Variants in ADAM9 observed in about 807,000 individuals in gnomAD.
ADAM9 encodes the protein ADAM metallopeptidase domain 9, also known as disintegrin and metalloproteinase domain-containing protein 9.
In ADAM9, 54 loss-of-function variants were observed where a neutral mutation model predicts 108.1. The observed-to-expected ratio is 0.50, with a 90% confidence interval of 0.40 to 0.63. The LOEUF (loss-of-function observed/expected upper bound fraction) is 0.63, where lower values mean the gene tolerates loss of function less well. ADAM9 is among the 20% of genes least tolerant of loss of function. ADAM9 has a pLI of 0.00. For synonymous variants in ADAM9, 316 were observed against 336.0 expected (o/e 0.94, Z 0.65); for missense variants, 830 against 997.7 (o/e 0.83, Z 2.26).
chr8:39,029,129 TTG>T (rs1315038837), intron 11 of ADAM9, among the ~76,000 whole-genome samples: 19 of 66,982 alleles, frequency 2.8e-4, no homozygotes, highest in Middle Eastern at 7.4e-3. Context: ...AGTGTTGTTG[TTG>T]TTTTTTTTTT....
At chr8:39,089,374 T>C (rs1839279500) in intron 18 of ADAM9, among the ~76,000 whole-genome samples, 1 of 152,236 alleles carries the variant, frequency 6.6e-6, no homozygotes, top group African/African-American at 2.4e-5. Context: ...TGGGTGAGGC[T>C]ATGGGGAATT....
At chr8:39,100,867 G>T (rs1839673040) in intron 20 of ADAM9, among the ~76,000 whole-genome samples, 1 of 152,176 alleles carries the variant, frequency 6.6e-6, no homozygotes, top group Non-Finnish European at 1.5e-5. Flanking sequence ...ACGTCTTATA[G>T]TGTAATGTGA....
At chr8:39,002,586 G>A (rs1474499626) in intron 1 of ADAM9, among the ~76,000 whole-genome samples, 3 of 151,886 alleles carry the variant, frequency 2.0e-5, no homozygotes, top group Non-Finnish European at 4.4e-5. Flanking sequence ...CTCCCAAATT[G>A]CTGGGACTAT....
intron 20 of ADAM9, 141 bp downstream of exon 20, chr8:39,091,487 G>C: frequency 1.2e-6 from 1 of 804,992 alleles, no homozygotes; most frequent in Non-Finnish European, 1.9e-6. Flanking sequence ...TGGTCCCTGA[G>C]TTTTTTGTTT....
intron 20 of ADAM9, among the ~76,000 whole-genome samples, chr8:39,096,790 C>G (rs1351980425): frequency 6.6e-6 from 1 of 152,100 alleles, no homozygotes; most frequent in Admixed American, 6.6e-5. Context: ...GTGAATCTTT[C>G]AATTTAGCAT....
Position 39,077,267 on chromosome 8 carries a change from A to G in ADAM9, c.1737A>G (p.Gln579=), listed in dbSNP as rs763026641. The part of the protein sequence containing the change: ...LCGKLQCENV[Q]EIPVFGIVPA... The stretch of plus-strand genomic sequence containing the variant: ...GAAAGCTTCAGTGTGAGAATGTACA[A>G]GAGATACCTGTATTTGGAATTGTGC... Residue 579 remains glutamine, a synonymous_variant, in exon 16 of 22, where the codon CAA becomes CAG. Coordinates refer to ENST00000487273, the MANE Select transcript of ADAM9 (RefSeq NM_003816.3). 6 of 1,613,992 alleles carry G rather than the reference A, an allele frequency of 3.7e-6. No individual in the cohort carries two copies. The South Asian group carries it at 4.4e-5, about 12-fold the overall frequency.
intron 15 of ADAM9, among the ~76,000 whole-genome samples, chr8:39,072,487 A>G (rs1838725866): frequency 6.7e-6 from 1 of 149,420 alleles, no homozygotes; most frequent in Non-Finnish European, 1.5e-5. Flanking sequence ...TCTTGAAGAA[A>G]CCTCTTTTTT....
intron 14 of ADAM9, among the ~76,000 whole-genome samples, chr8:39,064,113 G>C (rs1050343660): frequency 6.6e-6 from 1 of 152,128 alleles, no homozygotes; most frequent in Non-Finnish European, 1.5e-5. Context: ...ATGTTTGAAG[G>C]CATCATATAC....
At chr8:39,088,141 A>G (rs1041662090) in intron 18 of ADAM9, among the ~76,000 whole-genome samples, 1 of 152,322 alleles carries the variant, frequency 6.6e-6, no homozygotes, top group African/African-American at 2.4e-5. Flanking sequence ...GGTTGGTCTC[A>G]GGGGTGGCAG....
At chr8:39,002,367 G>T (rs1836024698) in intron 1 of ADAM9, among the ~76,000 whole-genome samples, 1 of 126,558 alleles carries the variant, frequency 7.9e-6, no homozygotes, top group African/African-American at 3.0e-5. Flanking sequence ...TGCCCAGACT[G>T]GGGTGCAGTG....
At chr8:39,029,759 G>A (rs1174358363) in intron 11 of ADAM9, among the ~76,000 whole-genome samples, 2 of 152,170 alleles carry the variant, frequency 1.3e-5, no homozygotes, top group Non-Finnish European at 2.9e-5. Context: ...TGTTTCTGGT[G>A]TGTTGTTGAG....
chr8:39,026,837 T>C (rs143038238), intron 11 of ADAM9, 27 bp downstream of exon 11: 1 of 1,613,414 alleles, frequency 6.2e-7, no homozygotes, highest in African/African-American at 1.3e-5. Context: ...TTCTTCTCCT[T>C]TATTTGGTAT....
chr8:39,023,233 TG>T lies in ADAM9; in HGVS notation c.827del (p.Gly276ValfsTer28). The part of the protein sequence containing the change: ...WTNGNLINIV[G>X]GAGDVLGNFV... The stretch of plus-strand genomic sequence containing the variant: ...CCAATGGAAACCTGATCAACATAGT[TG>T]GGGGTGCTGGTGATGTGCTGGGGAA... On this transcript the variant is annotated frameshift_variant, in exon 9 of 22. Transcript: ENST00000487273. LOFTEE classifies it high-confidence loss of function. 13 of 1,613,782 alleles carry T rather than the reference TG, an allele frequency of 8.1e-6. No individual in the cohort carries two copies. Among genetic ancestry groups the T allele is most frequent in the Non-Finnish European group, 1.1e-5 (13 of 1,179,864 alleles).
At chr8:39,018,312 T>G (rs1836613272) in intron 6 of ADAM9, among the ~76,000 whole-genome samples, 1 of 152,236 alleles carries the variant, frequency 6.6e-6, no homozygotes, top group African/African-American at 2.4e-5. Flanking sequence ...TGGAAAACAT[T>G]AAAATTTTTG....
At chr8:39,013,305 T>C (rs1180044362) in intron 3 of ADAM9, among the ~76,000 whole-genome samples, 3 of 152,216 alleles carry the variant, frequency 2.0e-5, no homozygotes, top group Non-Finnish European at 4.4e-5. Flanking sequence ...AAATATGATA[T>C]ACTGTCAATA....
chr8:39,015,890 A>G (rs1014816490), intron 4 of ADAM9: 2 of 522,502 alleles, frequency 3.8e-6, no homozygotes, highest in Admixed American at 3.2e-5. Context: ...TGTACCTTGT[A>G]TCCCCTGGAA....
chr8:39,070,550 G>A (rs1247432748), intron 14 of ADAM9, among the ~76,000 whole-genome samples: 1 of 151,872 alleles, frequency 6.6e-6, no homozygotes, highest in Non-Finnish European at 1.5e-5. Flanking sequence ...TTAAAAATAT[G>A]CATTTTGCAA....
intron 14 of ADAM9, among the ~76,000 whole-genome samples, chr8:39,068,083 T>C (rs1838546735): frequency 6.6e-6 from 1 of 152,188 alleles, no homozygotes; most frequent in Non-Finnish European, 1.5e-5. Context: ...AAGTTTTCTT[T>C]CTTCTGCGTA....
chr8:39,023,123 A>C (rs529647498), intron 8 of ADAM9, 33 bp from the exon 9 acceptor site: 1 of 1,568,324 alleles, frequency 6.4e-7, no homozygotes, highest in East Asian at 2.3e-5. Flanking sequence ...GTTCTTTACT[A>C]TATTTTATAT....
Sources: gnomAD v4.1 joint callset for allele counts (sites outside exome capture counted in the v4.1 genomes callset) on GRCh38, gnomAD v4.1.1 for gene constraint, MANE v1.5 for transcripts, NCBI Gene and HGNC (gene_info 2026-07-23, HGNC 2026-07-21) for gene names.